The following APBA1 variants were observed in gnomAD, a reference collection of about 807,000 sequenced individuals.
The protein encoded by APBA1 is amyloid beta precursor protein binding family A member 1, also known as amyloid-beta A4 precursor protein-binding family A member 1.
In APBA1, 55 loss-of-function variants were observed where a neutral mutation model predicts 86.6. That is an observed-to-expected ratio of 0.64 (90% confidence interval 0.51 to 0.80). The LOEUF is 0.80. APBA1 is among the 30% of genes least tolerant of loss of function. APBA1 has a pLI of 0.00. For missense variants in APBA1, 1,090 were observed against 1,183.0 expected, an observed-to-expected ratio of 0.92 and a Z score of 1.15; for synonymous variants, 511 against 493.9, an observed-to-expected ratio of 1.03 and a Z score of -0.46.
intron 9 of APBA1, among the ~76,000 whole-genome samples, chr9:69,451,748 C>T (rs920379188): frequency 6.6e-6 from 1 of 152,092 alleles, no homozygotes; most frequent in Non-Finnish European, 1.5e-5. Flanking sequence ...TCTGTTTGTC[C>T]AAGTGTAGTT....
chr9:69,670,567 G>A (rs1823928049), intron 1 of APBA1, among the ~76,000 whole-genome samples: 1 of 152,174 alleles, frequency 6.6e-6, no homozygotes, highest in East Asian at 1.9e-4. Flanking sequence ...AATACCGCAG[G>A]AGAAACATAG....
intron 1 of APBA1, among the ~76,000 whole-genome samples, chr9:69,624,940 T>TA (rs1250909518): frequency 6.6e-6 from 1 of 152,206 alleles, no homozygotes; most frequent in Non-Finnish European, 1.5e-5. Flanking sequence ...CAGCCTTTGT[T>TA]ACAGATATTT....
chr9:69,530,492 A>G (rs1836414036), intron 1 of APBA1, among the ~76,000 whole-genome samples: 1 of 152,064 alleles, frequency 6.6e-6, no homozygotes, highest in African/African-American at 2.4e-5. Context: ...TCATGTTCTC[A>G]CTTACATGTG....
intron 1 of APBA1, among the ~76,000 whole-genome samples, chr9:69,625,091 G>C (rs1822902444): frequency 6.6e-6 from 1 of 152,040 alleles, no homozygotes; most frequent in Non-Finnish European, 1.5e-5. Flanking sequence ...CTGTCTTATA[G>C]GGCTCTGCAC....
rs541309456 is a variant in APBA1, at chr9:69,431,805, T to C, written c.2443-407A>G. ...GCCCTAGAACAGCAGTGATGATTGA[T>C]AGCAGTGATGAATGACAGCAGTGAT... On this transcript the variant is annotated intron_variant, in intron 12 of 12. Coordinates refer to ENST00000265381, the MANE Select transcript of APBA1 (RefSeq NM_001163.4). Among the ~76,000 whole-genome samples, 13 of 152,340 alleles carry C rather than the reference T, an allele frequency of 8.5e-5. No homozygotes were observed. The East Asian group carries it at 1.2e-3, about 14-fold the overall frequency.
At chr9:69,494,986 A>G (rs1225523105) in intron 2 of APBA1, among the ~76,000 whole-genome samples, 2 of 152,136 alleles carry the variant, frequency 1.3e-5, no homozygotes, top group Non-Finnish European at 2.9e-5. Context: ...CACAACACAG[A>G]GCATGGAATT....
Position 69,432,594 on chromosome 9 carries a change from C to T in APBA1, c.2384G>A (p.Ser795Asn). Residue 795 changes from serine (S) to asparagine (N), a missense_variant, in exon 12 of 13, where the codon AGC becomes AAC. Transcript: ENST00000265381. ...CTTCTCGTGGGGGGTGGCCACGACGCTCTGTCCATTGATTTCAATGATCCG... is the reference window on the plus strand; with the variant it reads ...CTTCTCGTGGGGGGTGGCCACGACGTTCTGTCCATTGATTTCAATGATCCG... ...GHRIIEINGQ[S>N]VVATPHEKIV... The T allele has an allele frequency of 6.2e-7, 1 of 1,606,972 alleles. No homozygotes were observed.
intron 2 of APBA1, among the ~76,000 whole-genome samples, chr9:69,493,065 C>T (rs1349276864): frequency 6.6e-6 from 1 of 151,984 alleles, no homozygotes. Context: ...GACTACAGCA[C>T]CAAGAGCTCA....
intron 3 of APBA1, among the ~76,000 whole-genome samples, chr9:69,472,123 G>T (rs959613): frequency 0.42 from 64,384 of 152,020 alleles, 14,193 homozygotes; most frequent in African/African-American, 0.55. Flanking sequence ...TTGCCACAGT[G>T]ATCTCTCACT....
intron 1 of APBA1, among the ~76,000 whole-genome samples, chr9:69,583,341 C>G (rs1821953261): frequency 6.6e-6 from 1 of 152,324 alleles, no homozygotes; most frequent in South Asian, 2.1e-4. Context: ...CCTTTGCTGG[C>G]TCTCGGTCTC....
At chr9:69,503,798 T>A (rs533540308) in intron 2 of APBA1, among the ~76,000 whole-genome samples, 2 of 152,064 alleles carry the variant, frequency 1.3e-5, no homozygotes, top group Non-Finnish European at 2.9e-5. Context: ...GCAGGCCACA[T>A]GGGATTGGTG....
intron 1 of APBA1, among the ~76,000 whole-genome samples, chr9:69,586,114 A>G (rs1822014521): frequency 6.6e-6 from 1 of 152,160 alleles, no homozygotes; most frequent in South Asian, 2.1e-4. Flanking sequence ...TGCTGGGGCA[A>G]GCAGCTAGAG....
chr9:69,571,523 CACAT>C (rs1347117165), intron 1 of APBA1, among the ~76,000 whole-genome samples: 1 of 152,092 alleles, frequency 6.6e-6, no homozygotes, highest in Non-Finnish European at 1.5e-5. Context: ...CACACACACA[CACAT>C]ACATACACAT....
chr9:69,506,123 A>T lies in APBA1; in HGVS notation c.1200+9888T>A, dbSNP rs577382760. ...CTCCCAGCGAGAGCGACACAGAAGA[A>T]GACGGGTGATTTCTGCATTTCCATC... On this transcript the variant is annotated intron_variant, in intron 2 of 12. Coordinates refer to ENST00000265381, the MANE Select transcript of APBA1 (RefSeq NM_001163.4). 1.7e-3 allele frequency among the ~76,000 whole-genome samples: 264 copies of T among 151,980 alleles called. 1 individual carries two copies. The highest frequency in any genetic ancestry group is 5.9e-3 in the African/African-American group (245 of 41,442).
rs368416881 is a variant in APBA1 at position 69,456,371 on chromosome 9, A to G, written c.1664T>C (p.Val555Ala). Residue 555 changes from valine to alanine, a missense_variant, in exon 8 of 13, where the codon GTT becomes GCT. Val to Ala is a moderately conservative substitution (Grantham distance 64, BLOSUM62 0). Coordinates refer to ENST00000265381, the MANE Select transcript of APBA1 (RefSeq NM_001163.4). ...ISYIADIGNIVVLMARRRMPR... is the reference protein window; with the variant it reads ...ISYIADIGNIAVLMARRRMPR... ...CATCCGCCGGCGGGCCATCAGCACA[A>G]CGATGTTCCCAATGTCCGCAATGTA... 1.5e-5 allele frequency: 24 copies of G among 1,613,766 alleles called. No individual in the cohort carries two copies. The highest frequency in any genetic ancestry group is 1.9e-5 in the Non-Finnish European group (23 of 1,179,838).
chr9:69,448,013 A>AC (rs1357738459), intron 10 of APBA1, among the ~76,000 whole-genome samples: 93 of 143,156 alleles, frequency 6.5e-4, no homozygotes, highest in African/African-American at 2.3e-3. Flanking sequence ...CCCTAGCCCC[A>AC]CCCCCCCGCT....
Position 69,561,568 on chromosome 9 carries a change from G to A in APBA1, c.-69-44289C>T, listed in dbSNP as rs114107044. 7.2e-3 allele frequency among the ~76,000 whole-genome samples: 1,089 copies of A among 151,830 alleles called. 10 individuals carry two copies. The highest frequency in any genetic ancestry group is 0.025 in the African/African-American group (1,020 of 41,408). On this transcript the variant is annotated intron_variant, in intron 1 of 12. Coordinates refer to ENST00000265381, the MANE Select transcript of APBA1 (RefSeq NM_001163.4). ...TGTTAGAGTTCAGAAGTACACTGGA[G>A]TCCTGACTGTAGTTGATTTGGGGTA... is the stretch of plus-strand genomic sequence containing the variant.
chr9:69,439,129 A>G (rs1319018664), intron 11 of APBA1, among the ~76,000 whole-genome samples: 2 of 81,952 alleles, frequency 2.4e-5, no homozygotes, highest in Admixed American at 1.3e-4. Context: ...TGGCTTGTAG[A>G]GTTTCTGCCA....
chr9:69,450,614 A>AC lies in APBA1; in HGVS notation c.1969-819dup, dbSNP rs1834990596. Among the ~76,000 whole-genome samples, 10 of 152,282 alleles carry AC rather than the reference A, an allele frequency of 6.6e-5. No homozygotes were observed. In the South Asian group the frequency reaches 2.1e-3, roughly 32 times the overall value. On this transcript the variant is annotated intron_variant, in intron 9 of 12. Transcript: ENST00000265381. ...AGAACTGTCCTTAGCTGAAAGGGAG[A>AC]CACATTCTGTTAAGGTTGAATTGTG...
Sources: gnomAD v4.1 joint callset for allele counts (sites outside exome capture counted in the v4.1 genomes callset) on GRCh38, gnomAD v4.1.1 for gene constraint, MANE v1.5 for transcripts, NCBI Gene and HGNC (gene_info 2026-07-23, HGNC 2026-07-21) for gene names.